The following CA8 variants were observed in gnomAD, a reference collection of about 807,000 sequenced individuals.
CA8 encodes carbonic anhydrase 8 (inactive).
CA8 carries 22 observed loss-of-function variants against 41.4 expected under a neutral mutation model. The observed-to-expected ratio is 0.53, with a 90% CI of 0.38 to 0.76. CA8 has a LOEUF of 0.76. Ranked by LOEUF, CA8 falls within the 30% of genes least tolerant of loss-of-function variation. CA8 has a pLI of 0.00. For synonymous variants in CA8, 121 were observed against 130.6 expected (o/e 0.93, Z 0.50); for missense variants, 270 against 352.8 (o/e 0.77, Z 1.88).
intron 8 of CA8, among the ~76,000 whole-genome samples, chr8:60,202,546 G>A (rs764185482): frequency 6.6e-6 from 1 of 152,112 alleles, no homozygotes; most frequent in Non-Finnish European, 1.5e-5. Flanking sequence ...TTTAACTCAA[G>A]TATAAAATTT....
intron 3 of CA8, among the ~76,000 whole-genome samples, chr8:60,262,335 C>CAAAAAAA (rs11424117): frequency 9.1e-6 from 1 of 109,322 alleles, no homozygotes. Context: ...AGCAAAATGG[C>CAAAAAAA]AAAAAAAAAA....
intron 3 of CA8, among the ~76,000 whole-genome samples, chr8:60,249,735 C>A (rs959985667): frequency 5.9e-5 from 9 of 152,008 alleles, no homozygotes; most frequent in Non-Finnish European, 8.8e-5. Flanking sequence ...AGAATATAAA[C>A]CAACTATGAA....
At chr8:60,261,550 C>T (rs1044924358) in intron 3 of CA8, among the ~76,000 whole-genome samples, 1 of 152,116 alleles carries the variant, frequency 6.6e-6, no homozygotes, top group African/African-American at 2.4e-5. Context: ...TGTAGTGATG[C>T]AAGAAAAATT....
At chr8:60,243,680 C>T (rs879607233) in intron 3 of CA8, among the ~76,000 whole-genome samples, 4 of 152,118 alleles carry the variant, frequency 2.6e-5, no homozygotes, top group African/African-American at 4.8e-5. Flanking sequence ...ATCACGTTTT[C>T]GCCTGGGAGA....
Position 60,187,950 on chromosome 8 carries a change from T to C in CA8, c.*2071A>G, listed in dbSNP as rs1346107884. The C allele has an allele frequency of 2.6e-5, 4 of 152,186 alleles. No homozygotes were observed. The highest frequency in any genetic ancestry group is 4.4e-5 in the Non-Finnish European group (3 of 68,038). 9.4% of individuals were successfully genotyped at this position (152,186 alleles called of 1,614,324 possible). A position where few individuals can be genotyped will look rare whatever the true frequency, so the allele number is the denominator to read the frequency against. ...GTTGTGCTTTCGTTTACTGACAAAC[T>C]ACCTTTCAAATTCATTCCTACAAAA... is the stretch of plus-strand genomic sequence containing the variant. On this transcript the variant is annotated 3_prime_UTR_variant, in exon 9 of 9. Transcript: ENST00000317995.
intron 3 of CA8, among the ~76,000 whole-genome samples, chr8:60,256,882 G>A (rs1297266550): frequency 1.3e-5 from 2 of 152,050 alleles, no homozygotes; most frequent in Non-Finnish European, 2.9e-5. Context: ...CAGGGAAGAA[G>A]TTTTAAAGAA....
intron 2 of CA8, among the ~76,000 whole-genome samples, chr8:60,273,142 T>C (rs992364123): frequency 1.3e-5 from 2 of 152,158 alleles, no homozygotes; most frequent in Admixed American, 6.5e-5. Context: ...TAAGTAAGTA[T>C]TGAAGGATGA....
chr8:60,190,104 T>C (rs192819012), intron 8 of CA8, 119 bp from the exon 9 acceptor site: 57 of 151,878 alleles, frequency 3.8e-4, no homozygotes, highest in African/African-American at 1.3e-3. Context: ...CATAAGAAAA[T>C]GTGGAAATTT....
chr8:60,260,332 C>T, intron 3 of CA8, among the ~76,000 whole-genome samples: 1 of 152,170 alleles, frequency 6.6e-6, no homozygotes, highest in East Asian at 1.9e-4. Context: ...ACACACACCC[C>T]TCCTCTGCTG....
chr8:60,251,309 T>G (rs1808435765), intron 3 of CA8, among the ~76,000 whole-genome samples: 1 of 152,208 alleles, frequency 6.6e-6, no homozygotes, highest in South Asian at 2.1e-4. Flanking sequence ...GCCTAGAACC[T>G]TCTCATCTAC....
chr8:60,230,549 G>A (rs1419173222), intron 4 of CA8, among the ~76,000 whole-genome samples: 5 of 151,186 alleles, frequency 3.3e-5, no homozygotes, highest in Non-Finnish European at 5.9e-5. Flanking sequence ...CTGAGGACCC[G>A]ACCCCCCCGA....
At chr8:60,217,860 C>T (rs966350400) in intron 7 of CA8, among the ~76,000 whole-genome samples, 1 of 152,180 alleles carries the variant, frequency 6.6e-6, no homozygotes, top group Non-Finnish European at 1.5e-5. Flanking sequence ...CCCTTCCCTC[C>T]ATCTCATTGC....
At chr8:60,257,995 T>C (rs190311997) in intron 3 of CA8, among the ~76,000 whole-genome samples, 4 of 152,204 alleles carry the variant, frequency 2.6e-5, no homozygotes, top group Non-Finnish European at 5.9e-5. Context: ...AAATGGAAAA[T>C]TGCAGAAATA....
intron 7 of CA8, among the ~76,000 whole-genome samples, chr8:60,212,995 C>T (rs1338294973): frequency 2.0e-5 from 3 of 152,188 alleles, no homozygotes; most frequent in Non-Finnish European, 2.9e-5. Flanking sequence ...GCAAATTGTA[C>T]TTAAACAGTC....
intron 8 of CA8, among the ~76,000 whole-genome samples, chr8:60,199,144 AC>A (rs1460126269): frequency 1.3e-5 from 2 of 152,334 alleles, no homozygotes; most frequent in Admixed American, 1.3e-4. Flanking sequence ...TTTACAAAAA[AC>A]TAAAAATATT....
rs113383320 is a variant in CA8, at chr8:60,244,495, T to C, written c.418-12116A>G. On this transcript the variant is annotated intron_variant, in intron 3 of 8. Transcript: ENST00000317995. Reference sequence around the variant, plus strand: ...TTATGTATTAACTATTTCAGGTGTGTTGGTGATAACAATTAGAGTAATAAG... The same window carrying C: ...TTATGTATTAACTATTTCAGGTGTGCTGGTGATAACAATTAGAGTAATAAG... 8.8e-3 allele frequency among the ~76,000 whole-genome samples: 1,348 copies of C among 152,342 alleles called. 19 individuals carry two copies. Among genetic ancestry groups the C allele is most frequent in the African/African-American group, 0.03 (1,234 of 41,582 alleles).
chr8:60,206,976 T>C (rs11991950), intron 8 of CA8, among the ~76,000 whole-genome samples: 33 of 151,406 alleles, frequency 2.2e-4, no homozygotes, highest in African/African-American at 7.3e-4. Flanking sequence ...TCCCACCCCG[T>C]CTCTGTTGCT....
intron 3 of CA8, among the ~76,000 whole-genome samples, chr8:60,234,914 G>C (rs71523399): frequency 0.024 from 3,631 of 152,264 alleles, 68 homozygotes; most frequent in Non-Finnish European, 0.039. Flanking sequence ...TTCTACACCA[G>C]TAGAGGTTGG....
At chr8:60,207,291 CTTAA>C (rs756511719) in intron 8 of CA8, among the ~76,000 whole-genome samples, 2 of 152,254 alleles carry the variant, frequency 1.3e-5, no homozygotes, top group African/African-American at 4.8e-5. Context: ...TTTATGCACA[CTTAA>C]TTAAGTAACC....
Sources: gnomAD v4.1 joint callset for allele counts (sites outside exome capture counted in the v4.1 genomes callset) on GRCh38, gnomAD v4.1.1 for gene constraint, MANE v1.5 for transcripts, NCBI Gene and HGNC (gene_info 2026-07-23, HGNC 2026-07-21) for gene names.